GAS7: variants seen among roughly 807,000 people sequenced by gnomAD.
GAS7 encodes the protein growth arrest specific 7, also known as growth arrest-specific protein 7.
A neutral mutation model predicts 71.1 loss-of-function variants in GAS7; 28 were observed. The observed-to-expected ratio is 0.39, with a 90% CI of 0.29 to 0.54. GAS7 has a LOEUF of 0.54. GAS7 is among the 20% of genes least tolerant of loss of function. The pLI is 0.62. For synonymous variants in GAS7, 258 were observed against 245.8 expected, an observed-to-expected ratio of 1.05 and a Z score of -0.46; for missense variants, 436 against 627.8, an observed-to-expected ratio of 0.69 and a Z score of 3.27.
At chr17:9,944,526 G>A (rs947183397) in intron 6 of GAS7, among the ~76,000 whole-genome samples, 1 of 152,132 alleles carries the variant, frequency 6.6e-6, no homozygotes, top group Non-Finnish European at 1.5e-5. Flanking sequence ...TTAGGAGAGG[G>A]GAAAGAAAAG....
chr17:10,127,084 G>A (rs2073956997), intron 1 of GAS7, among the ~76,000 whole-genome samples: 1 of 152,154 alleles, frequency 6.6e-6, no homozygotes, highest in Non-Finnish European at 1.5e-5. Context: ...AAATCAATTG[G>A]CAACATTACA....
At chr17:9,952,605 T>C (rs1044736866) in intron 5 of GAS7, among the ~76,000 whole-genome samples, 3 of 152,216 alleles carry the variant, frequency 2.0e-5, no homozygotes, top group African/African-American at 7.2e-5. Context: ...TTGGTCAGGC[T>C]GGTCTCGAAC....
chr17:9,980,678 C>G (rs7216021), intron 3 of GAS7, among the ~76,000 whole-genome samples: 58,486 of 152,024 alleles, frequency 0.38, 13,196 homozygotes, highest in African/African-American at 0.64. Flanking sequence ...CCAGGCTCTG[C>G]GGACTGAGGA....
Position 9,969,815 on chromosome 17 carries a change from C to T in GAS7, c.386-53G>A, listed in dbSNP as rs1597578114. On this transcript the variant is annotated intron_variant, in intron 3 of 13. Transcript: ENST00000432992. This position sits in a 1 kb window ranked among gnomAD's most constrained non-coding sequence, Gnocchi z 5.5. ...GCTGTGTGGGCCACAGATGGGCACC[C>T]CCGCCTTTCGTCCACTGCAGCCCCT... 7 of 1,225,446 alleles carry T rather than the reference C, an allele frequency of 5.7e-6. No homozygotes were observed. Among genetic ancestry groups the T allele is most frequent in the East Asian group, 4.7e-5 (2 of 42,908 alleles). The allele number at this position is 1,225,446 out of a possible 1,614,324, so 75.9% of individuals were successfully genotyped here.
At chr17:10,142,014 G>C (rs1191580525) in intron 1 of GAS7, among the ~76,000 whole-genome samples, 1 of 151,956 alleles carries the variant, frequency 6.6e-6, no homozygotes, top group African/African-American at 2.4e-5. Context: ...GGATCACGAG[G>C]TCAGGAGATC....
intron 5 of GAS7, among the ~76,000 whole-genome samples, chr17:9,955,676 G>A (rs1362571939): frequency 2.6e-5 from 4 of 152,110 alleles, no homozygotes; most frequent in African/African-American, 9.7e-5. Context: ...AGGTATAAAT[G>A]TGCCAGGTCC....
In GAS7 at chr17:10,106,384, T is replaced by C. The variant is rs147151578; in HGVS notation, c.184-86487A>G. On this transcript the variant is annotated intron_variant, in intron 1 of 13. Transcript: ENST00000432992. ...CTTACTCAAGAAGTCTCACATCCCA[T>C]GTGCAGGCACACAGATAATCCCCAA... is the stretch of plus-strand genomic sequence containing the variant. 7.7e-4 allele frequency among the ~76,000 whole-genome samples: 118 copies of C among 152,296 alleles called. 2 individuals carry two copies. The East Asian group carries it at 0.022, about 28-fold the overall frequency.
Position 10,103,067 on chromosome 17 carries a change from C to T in GAS7, c.184-83170G>A. On this transcript the variant is annotated intron_variant, in intron 1 of 13. Transcript: ENST00000432992. This position sits in a 1 kb window ranked among gnomAD's most constrained non-coding sequence, Gnocchi z 5.5. ...ATGCAGAATCTGCATTTTAACAAAC[C>T]CTGACCGGACGTAGTGGCTCACACC... is the stretch of plus-strand genomic sequence containing the variant. Among the ~76,000 whole-genome samples the T allele has an allele frequency of 6.6e-6, 1 of 152,048 alleles. No individual in the cohort carries two copies. Among genetic ancestry groups the T allele is most frequent in the East Asian group, 1.9e-4 (1 of 5,182 alleles).
intron 1 of GAS7, among the ~76,000 whole-genome samples, chr17:10,142,133 G>A (rs570569962): frequency 2.0e-5 from 3 of 151,512 alleles, no homozygotes; most frequent in Admixed American, 2.0e-4. Flanking sequence ...GGAGAATGGC[G>A]TGAACCCGGG....
At chr17:10,102,363 AAGG>A (rs2073711116) in intron 1 of GAS7, among the ~76,000 whole-genome samples, 2 of 152,136 alleles carry the variant, frequency 1.3e-5, no homozygotes, top group South Asian at 2.1e-4. Flanking sequence ...TGGAATTTTC[AAGG>A]AGAACTAATT....
intron 1 of GAS7, among the ~76,000 whole-genome samples, chr17:10,132,626 G>A (rs1369291022): frequency 6.6e-6 from 1 of 152,044 alleles, no homozygotes; most frequent in Admixed American, 6.6e-5. Flanking sequence ...AAATTATCCG[G>A]GTATGGTGGT....
chr17:9,979,838 T>G (rs532067784), intron 3 of GAS7, among the ~76,000 whole-genome samples: 2 of 151,408 alleles, frequency 1.3e-5, no homozygotes, highest in South Asian at 4.2e-4. Context: ...CCTTGCGTCA[T>G]TCGCACTGGC....
intron 2 of GAS7, among the ~76,000 whole-genome samples, chr17:10,001,603 ACT>A (rs752868228): frequency 8.7e-4 from 132 of 152,012 alleles, no homozygotes; most frequent in Non-Finnish European, 1.4e-3. Flanking sequence ...AACTAGCCCA[ACT>A]CTCTCTTTTA....
At chr17:10,143,876 G>T (rs1431110224) in intron 1 of GAS7, among the ~76,000 whole-genome samples, 4 of 152,222 alleles carry the variant, frequency 2.6e-5, no homozygotes, top group Non-Finnish European at 5.9e-5. Context: ...GGTTGCATGG[G>T]CAAGGAGGGT....
chr17:9,992,680 T>C (rs1030577349), intron 2 of GAS7, among the ~76,000 whole-genome samples: 1 of 152,100 alleles, frequency 6.6e-6, no homozygotes, highest in South Asian at 2.1e-4. Flanking sequence ...TGTATACATG[T>C]GCCATGCTGG....
intron 5 of GAS7, among the ~76,000 whole-genome samples, chr17:9,955,839 G>T (rs987101514): frequency 6.6e-6 from 1 of 151,760 alleles, no homozygotes; most frequent in African/African-American, 2.4e-5. Flanking sequence ...CCGCGTCTTC[G>T]CTCTTGCACC....
intron 5 of GAS7, among the ~76,000 whole-genome samples, chr17:9,953,944 C>T (rs1385342848): frequency 6.6e-6 from 1 of 152,222 alleles, no homozygotes; most frequent in Non-Finnish European, 1.5e-5. Context: ...CTGCTCTCAA[C>T]AGTTCCGTAA....
At position 10,118,349 on chromosome 17, in the gene GAS7, C is replaced by T. The variant is rs1457565908; in HGVS notation, c.183+79859G>A. Among the ~76,000 whole-genome samples, 27 of 152,292 alleles carry T rather than the reference C, an allele frequency of 1.8e-4. 1 individual carries two copies. Among genetic ancestry groups the T allele is most frequent in the Admixed American group, 1.8e-3 (27 of 15,302 alleles). On this transcript the variant is annotated intron_variant, in intron 1 of 13. Transcript: ENST00000432992. ...CAAAATCCTCATCTGTGAACAGCTC[C>T]ACTCACTACCTGGTCAGCCTCTCCG...
In GAS7 at chr17:9,910,789, A is replaced by C. The variant is rs1166483604; in HGVS notation, c.*6439T>G. On this transcript the variant is annotated 3_prime_UTR_variant, in exon 14 of 14. Transcript: ENST00000432992. ...CCTCCACTGGGATCAGGGTTTCAAC[A>C]GTGTTACTTATAAATTATATTACAT... The C allele has an allele frequency of 4.4e-6, 1 of 225,792 alleles. No homozygotes were observed. Among genetic ancestry groups the C allele is most frequent in the Non-Finnish European group, 8.8e-6 (1 of 113,202 alleles). The allele number at this position is 225,792 out of a possible 1,614,324, so 14.0% of individuals were successfully genotyped here.
Sources: allele counts gnomAD v4.1 joint callset (sites outside exome capture counted in the v4.1 genomes callset), GRCh38; gene constraint gnomAD v4.1.1; non-coding constraint Gnocchi (gnomAD v3.1); transcripts MANE v1.5; gene names NCBI Gene and HGNC (gene_info 2026-07-23, HGNC 2026-07-21).